Variants in DLST observed in about 807,000 individuals in gnomAD.
DLST encodes the protein dihydrolipoyllysine-residue succinyltransferase component of 2-oxoglutarate dehydrogenase complex, mitochondrial.
DLST carries 17 observed loss-of-function variants against 53.1 expected under a neutral mutation model. That is an observed-to-expected ratio of 0.32 (90% confidence interval 0.22 to 0.48). The LOEUF (loss-of-function observed/expected upper bound fraction) is 0.48, where lower values mean the gene tolerates loss of function less well. Ranked by LOEUF, DLST falls within the 20% of genes least tolerant of loss-of-function variation. The pLI is 0.99. For synonymous variants in DLST, 206 were observed against 204.8 expected (o/e 1.01, Z -0.05); for missense variants, 512 against 583.9 (o/e 0.88, Z 1.27).
intron 9 of DLST, among the ~76,000 whole-genome samples, chr14:74,893,786 T>C (rs1883988408): frequency 6.6e-6 from 1 of 152,180 alleles, no homozygotes; most frequent in South Asian, 2.1e-4. Context: ...CTGGGATACT[T>C]AGCTGTAGCT....
chr14:74,899,718 C>T (rs1057372338), intron 11 of DLST, among the ~76,000 whole-genome samples: 1 of 152,152 alleles, frequency 6.6e-6, no homozygotes, highest in Non-Finnish European at 1.5e-5. Context: ...TGCCCAGGCT[C>T]AGTCAGGGAC....
intron 7 of DLST, among the ~76,000 whole-genome samples, 198 bp from the exon 8 acceptor site, chr14:74,892,636 G>T (rs531338751): frequency 5.3e-5 from 8 of 152,136 alleles, no homozygotes; most frequent in Non-Finnish European, 1.0e-4. Context: ...CCAGTTATCT[G>T]ATGGACATTT....
intron 7 of DLST, chr14:74,891,826 A>G: frequency 1.0e-6 from 1 of 985,466 alleles, no homozygotes; most frequent in Admixed American, 6.1e-5. Flanking sequence ...CTAATAAGGC[A>G]GATAGACCGC....
chr14:74,893,997 G>A (rs1310967017), intron 9 of DLST, among the ~76,000 whole-genome samples: 1 of 152,116 alleles, frequency 6.6e-6, no homozygotes, highest in Admixed American at 6.5e-5. Context: ...TTTTTCTTAT[G>A]ATTCTTATGT....
At chr14:74,894,245 G>C in intron 9 of DLST, 67 bp from the exon 10 acceptor site, 1 of 1,580,198 alleles carries the variant, frequency 6.3e-7, no homozygotes, top group Non-Finnish European at 8.6e-7. Context: ...TGTTCTTTCT[G>C]ACTACACGGG....
rs369001394 is a variant in DLST at position 74,881,932 on chromosome 14, C to A, written c.-22C>A. ...TCCGGCCCTATATCCGGTGTCCGCC[C>A]GCCCTCGGCTCCTCCGCCGTGATGC... On this transcript the variant is annotated 5_prime_UTR_variant, in exon 1 of 15. Coordinates refer to ENST00000334220, the MANE Select transcript of DLST (RefSeq NM_001933.5). 8 of 1,527,904 alleles carry A rather than the reference C, an allele frequency of 5.2e-6. No homozygotes were observed. The African/African-American group carries it at 5.6e-5, about 11-fold the overall frequency. The allele number at this position is 1,527,904 out of a possible 1,614,324, so 94.6% of individuals were successfully genotyped here. A position where few individuals can be genotyped will look rare whatever the true frequency, so the allele number is the denominator to read the frequency against.
chr14:74,887,742 C>T (rs1883757382), intron 3 of DLST, among the ~76,000 whole-genome samples: 1 of 152,212 alleles, frequency 6.6e-6, no homozygotes, highest in African/African-American at 2.4e-5. Context: ...TGCATGTTAC[C>T]TGTTAGTTCT....
At chr14:74,883,294 C>CAAAAA (rs35879783) in intron 2 of DLST, among the ~76,000 whole-genome samples, 1 of 67,260 alleles carries the variant, frequency 1.5e-5, no homozygotes, top group African/African-American at 4.7e-5. Context: ...GACTCCATCT[C>CAAAAA]AAAAAAAAAA....
rs1321511289 is a variant in DLST, at chr14:74,901,201, A to G, written c.1195A>G (p.Ile399Val). ...PQSAILGMHG[I>V]FDRPVAIGGK... ...GTCTGCCATCCTGGGGATGCATGGCATCTTTGACAGGCCAGTGGCTATAGG... is the reference window on the plus strand; with the variant it reads ...GTCTGCCATCCTGGGGATGCATGGCGTCTTTGACAGGCCAGTGGCTATAGG... Residue 399 changes from isoleucine (I) to valine (V), a missense_variant, in exon 14 of 15, where the codon ATC becomes GTC. By Grantham distance (29) the Ile-to-Val change is conservative (BLOSUM62 3). Transcript: ENST00000334220. 5.0e-6 allele frequency: 8 copies of G among 1,614,192 alleles called. No homozygotes were observed. Among genetic ancestry groups the G allele is most frequent in the Non-Finnish European group, 6.8e-6 (8 of 1,180,028 alleles).
Position 74,889,365 on chromosome 14 carries a change from C to CTTTTTTTT in DLST, c.274+17_274+18insTTTTTTTT. ...TGGGAGAAAGGTAAGATTTAGTTTCCTATTTTTTTTTTTTTTTTTTTTGAG... is the reference window on the plus strand; with the variant it reads ...TGGGAGAAAGGTAAGATTTAGTTTCCTTTTTTTTTATTTTTTTTTTTTTTTTTTTTGAG... On this transcript the variant is annotated intron_variant, in intron 5 of 14. Coordinates refer to ENST00000334220, the MANE Select transcript of DLST (RefSeq NM_001933.5). 1 of 1,425,992 alleles carries CTTTTTTTT rather than the reference C, an allele frequency of 7.0e-7. No homozygotes were observed. Among genetic ancestry groups the CTTTTTTTT allele is most frequent in the Non-Finnish European group, 9.5e-7 (1 of 1,056,950 alleles). 88.3% of individuals were successfully genotyped at this position (1,425,992 alleles called of 1,614,324 possible).
At position 74,894,005 on chromosome 14, in the gene DLST, T is replaced by C. The variant is rs113144787; in HGVS notation, c.673-307T>C. 8.7e-3 allele frequency among the ~76,000 whole-genome samples: 1,322 copies of C among 152,366 alleles called. 10 individuals carry two copies. The highest frequency in any genetic ancestry group is 0.02 in the Middle Eastern group (6 of 294). On this transcript the variant is annotated intron_variant, in intron 9 of 14. Transcript: ENST00000334220. ...AGTGCCCTTTTTCTTATGATTCTTA[T>C]GTTGGCTAGACTACACTACACTACA...
In DLST at chr14:74,893,682, A is replaced by G. The variant is rs75607970; in HGVS notation, c.672+258A>G. Reference sequence around the variant, plus strand: ...AGTGAAAGCCTTGGGTAAGTTAAATATTTGTAGGGGTGGTAGCTTAGTAAC... The same window carrying G: ...AGTGAAAGCCTTGGGTAAGTTAAATGTTTGTAGGGGTGGTAGCTTAGTAAC... On this transcript the variant is annotated intron_variant, in intron 9 of 14. Coordinates refer to ENST00000334220, the MANE Select transcript of DLST (RefSeq NM_001933.5). Among the ~76,000 whole-genome samples the G allele has an allele frequency of 9.6e-3, 1,462 of 152,298 alleles. 21 individuals are homozygous for G. The highest frequency in any genetic ancestry group is 0.025 in the African/African-American group (1,042 of 41,558).
chr14:74,895,760 C>T (rs1040267208), intron 10 of DLST, among the ~76,000 whole-genome samples: 8 of 152,102 alleles, frequency 5.3e-5, no homozygotes, highest in African/African-American at 1.4e-4. Context: ...ATTACCCAGG[C>T]ATGGTGGCGT....
intron 10 of DLST, among the ~76,000 whole-genome samples, chr14:74,898,088 A>G (rs1227524333): frequency 1.3e-5 from 2 of 152,180 alleles, no homozygotes; most frequent in Non-Finnish European, 2.9e-5. Flanking sequence ...TCTCTTGTTC[A>G]TATGATGTGT....
Position 74,881,950 on chromosome 14 carries a change from C to G in DLST, c.-4C>G, listed in dbSNP as rs200502397. On this transcript the variant is annotated 5_prime_UTR_variant, in exon 1 of 15. Coordinates refer to ENST00000334220, the MANE Select transcript of DLST (RefSeq NM_001933.5). ...GTCCGCCCGCCCTCGGCTCCTCCGC[C>G]GTGATGCTGTCCCGATCCCGCTGTG... 813 of 1,554,230 alleles carry G rather than the reference C, an allele frequency of 5.2e-4. 1 individual carries two copies. Among genetic ancestry groups the G allele is most frequent in the Non-Finnish European group, 6.5e-4 (752 of 1,157,056 alleles).
rs945799551 is a variant in DLST, at chr14:74,889,972, G to A, written c.330+20G>A. On this transcript the variant is annotated intron_variant, in intron 6 of 14. Transcript: ENST00000334220. ...GACAAGGTAGGCTTATCTTATATTC[G>A]TACCAGCTTTTCATGGGCTTCCCTT... The A allele has an allele frequency of 8.1e-6, 13 of 1,609,112 alleles. No homozygotes were observed. Among genetic ancestry groups the A allele is most frequent in the South Asian group, 3.3e-5 (3 of 90,426 alleles).
Position 74,891,543 on chromosome 14 carries a change from T to C in DLST, c.442+376T>C, listed in dbSNP as rs971822314. 6.0e-6 allele frequency: 6 copies of C among 997,690 alleles called. No individual in the cohort carries two copies. In the African/African-American group the frequency reaches 1.0e-4, roughly 17 times the overall value. The allele number at this position is 997,690 out of a possible 1,614,324, so 61.8% of individuals were successfully genotyped here. On this transcript the variant is annotated intron_variant, in intron 7 of 14. Transcript: ENST00000334220. ...CAAAACTTTTTGAGCACTGACAGAATGCTCAAAGGAAATGCTCATTGTCTT... is the reference window on the plus strand; with the variant it reads ...CAAAACTTTTTGAGCACTGACAGAACGCTCAAAGGAAATGCTCATTGTCTT...
Position 74,901,216 on chromosome 14 carries a change from G to T in DLST, c.1210G>T (p.Val404Leu), listed in dbSNP as rs1298852498. ...GATGCATGGCATCTTTGACAGGCCA[G>T]TGGCTATAGGAGGCAAGGTAGGAAC... Reference protein sequence around the residue: ...LGMHGIFDRPVAIGGKVEVRP... With the variant: ...LGMHGIFDRPLAIGGKVEVRP... Residue 404 changes from valine (V) to leucine (L), a missense_variant, in exon 14 of 15, where the codon GTG becomes TTG. By Grantham distance (32) the Val-to-Leu change is conservative. This residue lies in a region of DLST where 186 missense variants were observed against 260.4 expected (regional missense o/e 0.71). Coordinates refer to ENST00000334220, the MANE Select transcript of DLST (RefSeq NM_001933.5). 6.2e-7 allele frequency: 1 copy of T among 1,614,004 alleles called. No individual in the cohort carries two copies. The highest frequency in any genetic ancestry group is 1.3e-5 in the African/African-American group (1 of 74,920).
At chr14:74,899,136 AGT>A (rs1250484137) in intron 11 of DLST, among the ~76,000 whole-genome samples, 1 of 151,906 alleles carries the variant, frequency 6.6e-6, no homozygotes, top group Non-Finnish European at 1.5e-5. Context: ...CCTCCTGTTG[AGT>A]GGTGCTCTAG....
Sources: allele counts gnomAD v4.1 joint callset (sites outside exome capture counted in the v4.1 genomes callset), GRCh38; gene constraint gnomAD v4.1.1; regional missense constraint gnomAD v4.1.1; transcripts MANE v1.5; gene names NCBI Gene and HGNC (gene_info 2026-07-23, HGNC 2026-07-21).